The following ARHGAP35 variants were observed in gnomAD, a reference collection of about 807,000 sequenced individuals.
ARHGAP35 encodes the protein rho GTPase-activating protein 35.
ARHGAP35 carries 15 observed loss-of-function variants against 111.1 expected under a neutral mutation model. The ratio of observed to expected loss-of-function variants is 0.13; its 90% CI spans 0.09 to 0.21. The LOEUF (loss-of-function observed/expected upper bound fraction) is 0.21. Ranked by LOEUF, ARHGAP35 falls within the 10% of genes least tolerant of loss-of-function variation. The probability of loss-of-function intolerance (pLI) is 1.00; values close to 1 mark genes in which losing one functional copy is unlikely to be tolerated. For synonymous variants in ARHGAP35, 643 were observed against 710.3 expected (o/e 0.91, Z 1.51); for missense variants, 1,262 against 1,873.0 (o/e 0.67, Z 6.02).
At chr19:46,951,759 G>A (rs1485450113) in intron 3 of ARHGAP35, among the ~76,000 whole-genome samples, 1 of 152,090 alleles carries the variant, frequency 6.6e-6, no homozygotes, top group African/African-American at 2.4e-5. Flanking sequence ...CCCTTCATTT[G>A]CCAAGTCCCC....
At chr19:46,971,565 T>A (rs920527545) in intron 3 of ARHGAP35, among the ~76,000 whole-genome samples, 1 of 150,480 alleles carries the variant, frequency 6.6e-6, no homozygotes, top group East Asian at 2.0e-4. Context: ...AATGGTGTGA[T>A]CTCGGCTCAC....
Position 46,999,630 on chromosome 19 carries a change from C to T in ARHGAP35, c.4142+221C>T, listed in dbSNP as rs145365210. The T allele has an allele frequency of 1.1e-4, 60 of 550,682 alleles. No homozygotes were observed. The East Asian group carries it at 1.7e-3, about 16-fold the overall frequency. 34.1% of individuals were successfully genotyped at this position (550,682 alleles called of 1,614,324 possible). A position where few individuals can be genotyped will look rare whatever the true frequency, so the allele number is the denominator to read the frequency against. On this transcript the variant is annotated intron_variant, in intron 6 of 6. Coordinates refer to ENST00000672722, the MANE Select transcript of ARHGAP35 (RefSeq NM_004491.5). The surrounding 1 kb of genome is among the most constrained non-coding windows in gnomAD (Gnocchi z 5.4). ...CCCTCCTGCTCCTGTCTGAGGGCAG[C>T]CCACGTGGCCTCAAACCTGCCTAAC...
chr19:46,938,109 C>T (rs768795119), intron 3 of ARHGAP35, among the ~76,000 whole-genome samples: 1 of 152,152 alleles, frequency 6.6e-6, no homozygotes, highest in Non-Finnish European at 1.5e-5. Flanking sequence ...CTTGAGCATT[C>T]GGAGTTGGGC....
chr19:46,974,678 A>T (rs1247876670), intron 3 of ARHGAP35, among the ~76,000 whole-genome samples: 1 of 152,026 alleles, frequency 6.6e-6, no homozygotes, highest in African/African-American at 2.4e-5. Context: ...CGCTTGATTG[A>T]TTAACTCATT....
At chr19:46,961,436 C>T (rs556939278) in intron 3 of ARHGAP35, among the ~76,000 whole-genome samples, 2 of 152,262 alleles carry the variant, frequency 1.3e-5, no homozygotes, top group East Asian at 3.9e-4. Context: ...ATAGCACCTC[C>T]ATCAGCTGTA....
intron 3 of ARHGAP35, among the ~76,000 whole-genome samples, chr19:46,954,271 A>G (rs1291819829): frequency 6.6e-6 from 1 of 152,336 alleles, no homozygotes; most frequent in East Asian, 1.9e-4. Flanking sequence ...TGGCAAGGTG[A>G]CCAACTCAGG....
Position 46,901,608 on chromosome 19 carries a change from T to C in ARHGAP35, c.-188-16880T>C, listed in dbSNP as rs1398185839. ...TTCTTTAAAAGATAACTTGCTGCTC[T>C]AGGAGAGCAAGAGTATACATGTGAA... On this transcript the variant is annotated intron_variant, in intron 1 of 6. Transcript: ENST00000672722. This position sits in a 1 kb window ranked among gnomAD's most constrained non-coding sequence, Gnocchi z 4.5. Among the ~76,000 whole-genome samples, 6 of 152,186 alleles carry C rather than the reference T, an allele frequency of 3.9e-5. No homozygotes were observed. Among genetic ancestry groups the C allele is most frequent in the Admixed American group, 3.9e-4 (6 of 15,270 alleles).
intron 3 of ARHGAP35, among the ~76,000 whole-genome samples, chr19:46,973,858 C>T (rs562450858): frequency 1.3e-5 from 2 of 151,730 alleles, no homozygotes; most frequent in Non-Finnish European, 2.9e-5. Context: ...AAAAATTAGC[C>T]GAGCATGATA....
At position 46,926,282 on chromosome 19, in the gene ARHGAP35, G is replaced by A. The variant is rs1192979519; in HGVS notation, c.3681+3926G>A. Among the ~76,000 whole-genome samples, 1 of 152,148 alleles carries A rather than the reference G, an allele frequency of 6.6e-6. No homozygotes were observed. Among genetic ancestry groups the A allele is most frequent in the Non-Finnish European group, 1.5e-5 (1 of 68,040 alleles). Reference sequence around the variant, plus strand: ...CTCATTCTGGGTGCTTTTCCCAGCTGAACCATTTAGCAACCCACCCTCATA... The same window carrying A: ...CTCATTCTGGGTGCTTTTCCCAGCTAAACCATTTAGCAACCCACCCTCATA... On this transcript the variant is annotated intron_variant, in intron 2 of 6. Transcript: ENST00000672722. The surrounding 1 kb of genome is among the most constrained non-coding windows in gnomAD (Gnocchi z 4.1).
At position 46,993,718 on chromosome 19, in the gene ARHGAP35, C is replaced by T. The variant is rs2056691673; in HGVS notation, c.4036+4043C>T. On this transcript the variant is annotated intron_variant, in intron 5 of 6. Transcript: ENST00000672722. The surrounding 1 kb of genome is among the most constrained non-coding windows in gnomAD (Gnocchi z 4.6). ...TTCTTGTTGTCTCAGTCGATGGCCC[C>T]TAAGTTCAAAAGTATGATGTCCCAG... is the stretch of plus-strand genomic sequence containing the variant. Among the ~76,000 whole-genome samples, 1 of 152,140 alleles carries T rather than the reference C, an allele frequency of 6.6e-6. No individual in the cohort carries two copies.
At chr19:46,967,125 T>C (rs76381418) in intron 3 of ARHGAP35, among the ~76,000 whole-genome samples, 8 of 151,964 alleles carry the variant, frequency 5.3e-5, no homozygotes, top group Admixed American at 3.9e-4. Flanking sequence ...TTTTTTTTTT[T>C]CTCAGATCCC....
chr19:46,951,925 T>A (rs1416686301), intron 3 of ARHGAP35, among the ~76,000 whole-genome samples: 1 of 152,152 alleles, frequency 6.6e-6, no homozygotes, highest in Non-Finnish European at 1.5e-5. Context: ...AAATCCCAAC[T>A]GAAGGGGGAT....
rs971298982 is a variant in ARHGAP35 at position 46,992,567 on chromosome 19, T to C, written c.4036+2892T>C. 6.6e-6 allele frequency among the ~76,000 whole-genome samples: 1 copy of C among 151,184 alleles called. No individual in the cohort carries two copies. The highest frequency in any genetic ancestry group is 2.4e-5 in the African/African-American group (1 of 41,056). ...CTCCCTCCTCCCTGCCTATCTGGAGTCGACCCCGTCCAGCTGGTGTCCACA... is the reference window on the plus strand; with the variant it reads ...CTCCCTCCTCCCTGCCTATCTGGAGCCGACCCCGTCCAGCTGGTGTCCACA... On this transcript the variant is annotated intron_variant, in intron 5 of 6. Coordinates refer to ENST00000672722, the MANE Select transcript of ARHGAP35 (RefSeq NM_004491.5). This position sits in a 1 kb window ranked among gnomAD's most constrained non-coding sequence, Gnocchi z 4.4.
At position 46,922,361 on chromosome 19, in the gene ARHGAP35, G is replaced by T; in HGVS notation, c.3681+5G>T. ...AGCCTAAGGAGGAACACTAAGGTAA[G>T]ACACCAGTCTAGGATTAGTCATAGT... On this transcript the variant is annotated splice_donor_5th_base_variant and intron_variant, in intron 2 of 6. Coordinates refer to ENST00000672722, the MANE Select transcript of ARHGAP35 (RefSeq NM_004491.5). The surrounding 1 kb of genome is among the most constrained non-coding windows in gnomAD (Gnocchi z 4.0). 6.3e-7 allele frequency: 1 copy of T among 1,581,712 alleles called. No individual in the cohort carries two copies. Among genetic ancestry groups the T allele is most frequent in the South Asian group, 1.2e-5 (1 of 84,700 alleles).
At chr19:46,887,737 T>G (rs893243610) in intron 1 of ARHGAP35, among the ~76,000 whole-genome samples, 4 of 152,116 alleles carry the variant, frequency 2.6e-5, no homozygotes, top group African/African-American at 9.7e-5. Flanking sequence ...CGGGGTATTC[T>G]CCTGCTACAC....
chr19:46,940,734 C>A (rs575430622), intron 3 of ARHGAP35, among the ~76,000 whole-genome samples: 1 of 151,874 alleles, frequency 6.6e-6, no homozygotes, highest in Non-Finnish European at 1.5e-5. Flanking sequence ...GCATTACAGG[C>A]GTGAGCCACT....
chr19:46,953,633 G>T (rs914538052), intron 3 of ARHGAP35, among the ~76,000 whole-genome samples: 1 of 152,134 alleles, frequency 6.6e-6, no homozygotes, highest in Non-Finnish European at 1.5e-5. Context: ...TCTCCATTCT[G>T]CTATTCCTTT....
rs1385646119 is a variant in ARHGAP35 at position 46,994,564 on chromosome 19, A to G, written c.4037-4740A>G. Among the ~76,000 whole-genome samples the G allele has an allele frequency of 6.6e-6, 1 of 152,134 alleles. No homozygotes were observed. Among genetic ancestry groups the G allele is most frequent in the Non-Finnish European group, 1.5e-5 (1 of 68,010 alleles). On this transcript the variant is annotated intron_variant, in intron 5 of 6. Transcript: ENST00000672722. The surrounding 1 kb of genome is among the most constrained non-coding windows in gnomAD (Gnocchi z 5.4). ...GCACCGTGCTCAGCAAGTAGCAGCC[A>G]GCCAGAGGCGCCGTGAACTCGCCGG...
intron 3 of ARHGAP35, among the ~76,000 whole-genome samples, chr19:46,984,418 G>A (rs545914389): frequency 1.3e-5 from 2 of 152,218 alleles, no homozygotes; most frequent in Non-Finnish European, 2.9e-5. Context: ...TTTTCCTGCT[G>A]TGGTCTCAGG....
Sources: gnomAD v4.1 joint callset for allele counts (sites outside exome capture counted in the v4.1 genomes callset) on GRCh38, gnomAD v4.1.1 for gene constraint, Gnocchi (gnomAD v3.1) non-coding constraint, MANE v1.5 for transcripts, NCBI Gene and HGNC (gene_info 2026-07-23, HGNC 2026-07-21) for gene names.